PHF21B: variants seen among roughly 807,000 people sequenced by gnomAD.
The protein encoded by PHF21B is PHD finger protein 21B, also known as PHD finger protein 4.
PHF21B carries 22 observed loss-of-function variants against 62.2 expected under a neutral mutation model. The observed-to-expected ratio is 0.35, with a 90% CI of 0.25 to 0.51. The LOEUF is 0.51. Among genes scored for constraint, PHF21B ranks in the 20% least tolerant of loss-of-function variants. The probability of loss-of-function intolerance (pLI) is 0.97; values close to 1 mark genes in which losing one functional copy is unlikely to be tolerated. For synonymous variants in PHF21B, 341 were observed against 314.7 expected, an observed-to-expected ratio of 1.08 and a Z score of -0.88; for missense variants, 701 against 707.9, an observed-to-expected ratio of 0.99 and a Z score of 0.11.
At chr22:44,984,251 CCAT>C (rs1181530505) in intron 2 of PHF21B, among the ~76,000 whole-genome samples, 6 of 82,440 alleles carry the variant, frequency 7.3e-5, no homozygotes, top group Non-Finnish European at 1.3e-4. Context: ...ATTACCACCA[CCAT>C]CATCATCACC....
chr22:44,991,713 G>A (rs924518407), intron 2 of PHF21B, among the ~76,000 whole-genome samples: 2 of 152,196 alleles, frequency 1.3e-5, no homozygotes, highest in Admixed American at 6.5e-5. Context: ...TCTGTTCTGT[G>A]TCCCGCTGGC....
chr22:44,932,774 G>T (rs1262716673), intron 2 of PHF21B, among the ~76,000 whole-genome samples: 1 of 152,258 alleles, frequency 6.6e-6, no homozygotes, highest in Admixed American at 6.5e-5. Context: ...AGCTAGCCTT[G>T]GTGTGGGCAG....
chr22:44,893,605 C>A, intron 6 of PHF21B, 72 bp from the exon 7 acceptor site: 1 of 1,411,438 alleles, frequency 7.1e-7, no homozygotes, highest in Admixed American at 2.0e-5. Context: ...CCTTGCCAAG[C>A]CCTGGGCACC....
chr22:44,924,926 G>A (rs768889767), intron 2 of PHF21B, among the ~76,000 whole-genome samples: 19 of 152,128 alleles, frequency 1.2e-4, no homozygotes, highest in Non-Finnish European at 2.2e-4. Context: ...ACAAGTACAC[G>A]GATGAGCAAG....
intron 2 of PHF21B, among the ~76,000 whole-genome samples, chr22:44,998,843 C>T (rs2073164027): frequency 6.6e-6 from 1 of 152,172 alleles, no homozygotes; most frequent in East Asian, 1.9e-4. Flanking sequence ...ACGCCCGGTG[C>T]GTACAATGCT....
At position 44,883,251 on chromosome 22, in the gene PHF21B, T is replaced by C. The variant is rs747727614; in HGVS notation, c.1431A>G (p.Ser477=). 6.8e-6 allele frequency: 11 copies of C among 1,613,912 alleles called. No individual in the cohort carries two copies. Among genetic ancestry groups the C allele is most frequent in the Non-Finnish European group, 9.3e-6 (11 of 1,179,956 alleles). ...GGAGGGCCCGCAGGCGGTCCAGGGA[T>C]GACTGGGTGCCCCTCTGGCGGGCCA... ...SLLARQRGTQ[S]SLDRLRALLR... Residue 477 remains serine, a synonymous_variant, in exon 13 of 13, where the codon TCA becomes TCG. Coordinates refer to ENST00000313237, the MANE Select transcript of PHF21B (RefSeq NM_138415.5).
rs1282832654 is a variant in PHF21B at position 45,009,578 on chromosome 22, C to T, written c.-29G>A. 3.9e-6 allele frequency: 6 copies of T among 1,541,364 alleles called. No individual in the cohort carries two copies. The Middle Eastern group carries it at 5.6e-4, about 145-fold the overall frequency. On this transcript the variant is annotated 5_prime_UTR_variant, in exon 1 of 13. Coordinates refer to ENST00000313237, the MANE Select transcript of PHF21B (RefSeq NM_138415.5). This position sits in a 1 kb window ranked among gnomAD's most constrained non-coding sequence, Gnocchi z 5.9. ...GGCAACTTGGGCAGCACTTTGCGCT[C>T]ACTTTGGCCCGGGCTCCCGGGAAGT...
chr22:44,917,157 G>A (rs921169558), intron 3 of PHF21B, among the ~76,000 whole-genome samples: 9 of 152,248 alleles, frequency 5.9e-5, no homozygotes, highest in Non-Finnish European at 1.5e-5. Context: ...GCCTGACAGT[G>A]AAGGTGTGCA....
rs2073386836 is a variant in PHF21B at position 45,009,528 on chromosome 22, C to T, written c.22G>A (p.Glu8Lys). MELQSRP[E>K]ALAVELARHQ... is the part of the protein sequence containing the mutation. ...CGCGCGAGTTCCACGGCGAGCGCCT[C>T]GGGCCGGCTCTGCAGCTCCATCCCG... The change falls in exon 1 of 13, where the codon GAG becomes AAG. Residue 8 changes from glutamate to lysine, a missense_variant. Glu to Lys is a moderately conservative substitution (Grantham distance 56, BLOSUM62 1). Coordinates refer to ENST00000313237, the MANE Select transcript of PHF21B (RefSeq NM_138415.5). The surrounding 1 kb of genome is among the most constrained non-coding windows in gnomAD (Gnocchi z 5.9). 6.4e-7 allele frequency: 1 copy of T among 1,570,168 alleles called. No individual in the cohort carries two copies. The highest frequency in any genetic ancestry group is 8.6e-7 in the Non-Finnish European group (1 of 1,167,526).
At chr22:44,950,921 C>T (rs2072180516) in intron 2 of PHF21B, among the ~76,000 whole-genome samples, 1 of 152,124 alleles carries the variant, frequency 6.6e-6, no homozygotes, top group African/African-American at 2.4e-5. Context: ...GTGACTGAGA[C>T]ACGTGCTGAG....
At position 44,994,101 on chromosome 22, in the gene PHF21B, C is replaced by T. The variant is rs555733660; in HGVS notation, c.120+14444G>A. 2.0e-5 allele frequency among the ~76,000 whole-genome samples: 3 copies of T among 152,366 alleles called. No individual in the cohort carries two copies. The South Asian group carries it at 6.2e-4, about 32-fold the overall frequency. ...CATACTGAGCCAAAGGCACCTGCTG[C>T]TGCGTCGGCCCGGGGCATCCCCGCA... is the stretch of plus-strand genomic sequence containing the variant. On this transcript the variant is annotated intron_variant, in intron 2 of 12. Transcript: ENST00000313237.
intron 5 of PHF21B, among the ~76,000 whole-genome samples, chr22:44,906,695 C>T (rs554834288): frequency 6.6e-6 from 1 of 152,348 alleles, no homozygotes; most frequent in East Asian, 1.9e-4. Context: ...CATGCAGCTC[C>T]GTGACCGTAC....
chr22:44,988,454 C>G (rs1464283154), intron 2 of PHF21B, among the ~76,000 whole-genome samples: 3 of 151,532 alleles, frequency 2.0e-5, no homozygotes, highest in Non-Finnish European at 4.4e-5. Context: ...ACAGCAAGAC[C>G]CTGTCAAAAG....
chr22:44,930,036 A>G (rs1463065165), intron 2 of PHF21B, among the ~76,000 whole-genome samples: 1 of 152,254 alleles, frequency 6.6e-6, no homozygotes, highest in Non-Finnish European at 1.5e-5. Context: ...AAAACTTCCC[A>G]GCAGCCAGAG....
chr22:44,916,446 A>G lies in PHF21B; in HGVS notation c.398T>C (p.Leu133Pro), dbSNP rs530545570. The change falls in exon 4 of 13, where the codon CTC becomes CCC. Residue 133 changes from leucine to proline, a missense_variant. Leu to Pro is a moderately conservative substitution (Grantham distance 98). Coordinates refer to ENST00000313237, the MANE Select transcript of PHF21B (RefSeq NM_138415.5). ...AGAGGCGAGGGCGGCGGGCTCGGCG[A>G]GGGCCTGGGGCTGGCTGCCGGGCGC... ...VPAPGSQPQA[L>P]AEPAALASPL... 1 of 1,588,932 alleles carries G rather than the reference A, an allele frequency of 6.3e-7. No homozygotes were observed. The highest frequency in any genetic ancestry group is 1.1e-5 in the South Asian group (1 of 90,334).
intron 2 of PHF21B, among the ~76,000 whole-genome samples, chr22:44,990,942 G>A (rs1341196634): frequency 6.6e-6 from 1 of 152,256 alleles, no homozygotes; most frequent in African/African-American, 2.4e-5. Context: ...GGGGAGCCCT[G>A]AACCACCTTG....
At chr22:44,967,896 T>C (rs1168684284) in intron 2 of PHF21B, among the ~76,000 whole-genome samples, 1 of 152,186 alleles carries the variant, frequency 6.6e-6, no homozygotes, top group Non-Finnish European at 1.5e-5. Flanking sequence ...TTTCGCAGAA[T>C]GTCCTCTTAG....
chr22:44,966,009 G>A (rs1158875361), intron 2 of PHF21B, among the ~76,000 whole-genome samples: 1 of 152,214 alleles, frequency 6.6e-6, no homozygotes, highest in African/African-American at 2.4e-5. Flanking sequence ...GGGCACCCAA[G>A]GGAGTGCTGT....
At chr22:44,906,798 G>T (rs1402678726) in intron 5 of PHF21B, among the ~76,000 whole-genome samples, 4 of 152,218 alleles carry the variant, frequency 2.6e-5, no homozygotes, top group African/African-American at 9.6e-5. Flanking sequence ...GTGACGACAG[G>T]GGGAGAAGGA....
Sources: gnomAD v4.1 joint callset for allele counts (sites outside exome capture counted in the v4.1 genomes callset) on GRCh38, gnomAD v4.1.1 for gene constraint, Gnocchi (gnomAD v3.1) non-coding constraint, MANE v1.5 for transcripts, NCBI Gene and HGNC (gene_info 2026-07-23, HGNC 2026-07-21) for gene names.